Variants in ANO6 observed in about 807,000 individuals in gnomAD.
The protein encoded by ANO6 is anoctamin 6, also known as anoctamin-6.
In ANO6, 106 loss-of-function variants were observed where a neutral mutation model predicts 117.5. The ratio of observed to expected loss-of-function variants is 0.90; its 90% CI spans 0.77 to 1.06. The LOEUF (loss-of-function observed/expected upper bound fraction) is 1.06. Ranked by LOEUF, ANO6 falls within the 50% of genes least tolerant of loss-of-function variation. The probability of loss-of-function intolerance (pLI) is 0.00; values close to 1 mark genes in which losing one functional copy is unlikely to be tolerated. For missense variants in ANO6, 955 were observed against 1,121.1 expected (o/e 0.85, Z 2.12); for synonymous variants, 367 against 385.1 (o/e 0.95, Z 0.55).
intron 12 of ANO6, among the ~76,000 whole-genome samples, chr12:45,399,041 C>A (rs74080881): frequency 0.019 from 2,947 of 152,196 alleles, 84 homozygotes; most frequent in African/African-American, 0.067. Flanking sequence ...TAACTGCAGA[C>A]CAGATATTGT....
At chr12:45,247,864 G>A (rs535635753) in intron 1 of ANO6, among the ~76,000 whole-genome samples, 104 of 152,278 alleles carry the variant, frequency 6.8e-4, no homozygotes, top group Non-Finnish European at 1.2e-3. Flanking sequence ...TGTACTGGGG[G>A]TTAGAGCTTC....
At chr12:45,399,015 T>C (rs1013690868) in intron 12 of ANO6, among the ~76,000 whole-genome samples, 15 of 152,224 alleles carry the variant, frequency 9.9e-5, no homozygotes, top group Middle Eastern at 6.8e-3. Flanking sequence ...GAGGTATGGC[T>C]CCAGTCAAAG....
chr12:45,219,017 G>A (rs915376678), intron 1 of ANO6, among the ~76,000 whole-genome samples: 8 of 152,124 alleles, frequency 5.3e-5, no homozygotes, highest in Non-Finnish European at 8.8e-5. Flanking sequence ...ATAGTTCGCT[G>A]CAGTCTTGAA....
At chr12:45,235,445 C>A (rs1316135761) in intron 1 of ANO6, among the ~76,000 whole-genome samples, 2 of 152,136 alleles carry the variant, frequency 1.3e-5, no homozygotes, top group African/African-American at 2.4e-5. Flanking sequence ...TAAGAAAGAT[C>A]AAATGTTTAC....
intron 1 of ANO6, among the ~76,000 whole-genome samples, chr12:45,228,686 T>TGGGAGGGCAGTATTTGGTGGA: frequency 6.6e-6 from 1 of 152,192 alleles, no homozygotes; most frequent in Admixed American, 6.5e-5. Context: ...TGTTCGCTAG[T>TGGGAGGGCAGTATTTGGTGGA]GGGAGGGCAG....
At chr12:45,398,491 C>T (rs1485678962) in intron 12 of ANO6, among the ~76,000 whole-genome samples, 4 of 152,152 alleles carry the variant, frequency 2.6e-5, no homozygotes, top group Non-Finnish European at 5.9e-5. Flanking sequence ...CAAAAATATT[C>T]ATATGCTTTA....
intron 7 of ANO6, among the ~76,000 whole-genome samples, chr12:45,354,121 G>A (rs893348075): frequency 2.6e-5 from 4 of 152,112 alleles, no homozygotes; most frequent in African/African-American, 2.4e-5. Context: ...GAGTCTCTAG[G>A]TGGAAAGAGC....
At position 45,418,968 on chromosome 12, in the gene ANO6, G is replaced by T. The variant is rs376073230; in HGVS notation, c.2217+2064G>T. Among the ~76,000 whole-genome samples, 19 of 152,304 alleles carry T rather than the reference G, an allele frequency of 1.2e-4. No homozygotes were observed. The South Asian group carries it at 1.9e-3, about 15-fold the overall frequency. ...ATGTGTGCTTGTGCAAGCATTAAAT[G>T]TGTGTCTTATTCCCTCAAACACCCA... On this transcript the variant is annotated intron_variant, in intron 17 of 19. Transcript: ENST00000320560.
At position 45,378,035 on chromosome 12, in the gene ANO6, G is replaced by T; in HGVS notation, c.1105-18G>T. 1 of 1,602,520 alleles carries T rather than the reference G, an allele frequency of 6.2e-7. No homozygotes were observed. The highest frequency in any genetic ancestry group is 1.3e-5 in the African/African-American group (1 of 74,606). On this transcript the variant is annotated intron_variant, in intron 9 of 19. Coordinates refer to ENST00000320560, the MANE Select transcript of ANO6 (RefSeq NM_001025356.3). The stretch of plus-strand genomic sequence containing the variant: ...AGTGGAGGATATGACTCATTTATAT[G>T]TCATTTATATTTTCCAGAAATTGTG...
intron 3 of ANO6, among the ~76,000 whole-genome samples, chr12:45,343,955 C>T (rs1021298884): frequency 1.3e-5 from 2 of 152,110 alleles, no homozygotes; most frequent in African/African-American, 4.8e-5. Context: ...GCCAGGTAGT[C>T]TGGTTGGCGG....
rs11422062 is a variant in ANO6 at position 45,229,390 on chromosome 12, GTTTTTTTT to G, written c.70+13009_70+13016del. On this transcript the variant is annotated intron_variant, in intron 1 of 19. Transcript: ENST00000320560. ...ATCTCCTCAGTTTTTTTTATTTTTA[GTTTTTTTT>G]TTTTTTTTTGAGACAGTGTCTCACT... Among the ~76,000 whole-genome samples the G allele has an allele frequency of 7.2e-3, 917 of 127,328 alleles. 8 individuals carry two copies. Among genetic ancestry groups the G allele is most frequent in the African/African-American group, 0.025 (845 of 33,568 alleles). 83.5% of individuals were successfully genotyped at this position (127,328 alleles called of 152,430 possible). A position where few individuals can be genotyped will look rare whatever the true frequency, so the allele number is the denominator to read the frequency against.
intron 2 of ANO6, among the ~76,000 whole-genome samples, chr12:45,312,117 G>A (rs1341620973): frequency 6.6e-6 from 1 of 151,994 alleles, no homozygotes; most frequent in African/African-American, 2.4e-5. Context: ...TTTGTTATCT[G>A]GGGAATGTCA....
chr12:45,432,745 G>T (rs565458946), downstream of ANO6, among the ~76,000 whole-genome samples: 3 of 152,096 alleles, frequency 2.0e-5, no homozygotes, highest in Non-Finnish European at 4.4e-5. Flanking sequence ...AATAGTGACC[G>T]AGAGGACGTA....
At chr12:45,301,263 T>C (rs1939476499) in intron 1 of ANO6, among the ~76,000 whole-genome samples, 2 of 151,742 alleles carry the variant, frequency 1.3e-5, no homozygotes, top group South Asian at 4.2e-4. Context: ...ACGTCTCTAC[T>C]AGTAAATTCT....
chr12:45,354,917 AAG>A (rs1180059651), intron 7 of ANO6, among the ~76,000 whole-genome samples: 3 of 152,230 alleles, frequency 2.0e-5, no homozygotes, highest in African/African-American at 7.2e-5. Context: ...AAGGAGTTGA[AAG>A]AGAGCTTAAT....
intron 10 of ANO6, among the ~76,000 whole-genome samples, chr12:45,382,392 G>A (rs1039288911): frequency 6.6e-6 from 1 of 152,166 alleles, no homozygotes; most frequent in African/African-American, 2.4e-5. Flanking sequence ...AGATTTTAAT[G>A]TGCTTAGTCA....
chr12:45,429,667 C>T lies in ANO6; in HGVS notation c.*356C>T. The T allele has an allele frequency of 1.8e-6, 2 of 1,131,542 alleles. No individual in the cohort carries two copies. Among genetic ancestry groups the T allele is most frequent in the Non-Finnish European group, 2.2e-6 (2 of 918,272 alleles). The allele number at this position is 1,131,542 out of a possible 1,614,324, so 70.1% of individuals were successfully genotyped here. A position where few individuals can be genotyped will look rare whatever the true frequency, so the allele number is the denominator to read the frequency against. On this transcript the variant is annotated 3_prime_UTR_variant, in exon 20 of 20. Coordinates refer to ENST00000320560, the MANE Select transcript of ANO6 (RefSeq NM_001025356.3). ...TTTCATTTCTGTCTATTCTCAGGCG[C>T]ATGATCTCCTTTATTTTTAAGCCAT...
chr12:45,382,656 C>T (rs1038929231), intron 10 of ANO6, among the ~76,000 whole-genome samples: 3 of 152,024 alleles, frequency 2.0e-5, no homozygotes, highest in South Asian at 4.2e-4. Context: ...CACAAGAAAG[C>T]GAGTATCACA....
At chr12:45,372,093 C>T (rs1941857957) in intron 9 of ANO6, among the ~76,000 whole-genome samples, 1 of 151,932 alleles carries the variant, frequency 6.6e-6, no homozygotes, top group Admixed American at 6.6e-5. Flanking sequence ...ATGCGATCAA[C>T]TGGAAGAAAG....
Sources: allele counts gnomAD v4.1 joint callset (sites outside exome capture counted in the v4.1 genomes callset), GRCh38; gene constraint gnomAD v4.1.1; transcripts MANE v1.5; gene names NCBI Gene and HGNC (gene_info 2026-07-23, HGNC 2026-07-21).